The following RNF145 variants were observed in gnomAD, a reference collection of about 807,000 sequenced individuals.
RNF145 encodes ring finger protein 145.
A neutral mutation model predicts 57.3 loss-of-function variants in RNF145; 12 were observed. The ratio of observed to expected loss-of-function variants is 0.21; its 90% CI spans 0.13 to 0.34. RNF145 has a LOEUF of 0.34. Ranked by LOEUF, RNF145 falls within the 10% of genes least tolerant of loss-of-function variation. The probability of loss-of-function intolerance (pLI) is 1.00; values close to 1 mark genes in which losing one functional copy is unlikely to be tolerated. For synonymous variants in RNF145, 262 were observed against 288.3 expected (o/e 0.91, Z 0.92); for missense variants, 429 against 799.0 (o/e 0.54, Z 5.58).
chr5:159,195,105 T>C (rs950536655), intron 2 of RNF145, among the ~76,000 whole-genome samples: 1 of 152,216 alleles, frequency 6.6e-6, no homozygotes, highest in Non-Finnish European at 1.5e-5. Context: ...CTACCTTTCC[T>C]TGATATCAAC....
At chr5:159,170,718 C>T (rs947690277) in intron 6 of RNF145, among the ~76,000 whole-genome samples, 8 of 152,122 alleles carry the variant, frequency 5.3e-5, no homozygotes, top group Non-Finnish European at 1.5e-5. Flanking sequence ...CTTCAGCCTC[C>T]CAAGTAGCTA....
chr5:159,187,144 T>C (rs1483005206), intron 3 of RNF145, among the ~76,000 whole-genome samples: 1 of 145,426 alleles, frequency 6.9e-6, no homozygotes, highest in African/African-American at 2.6e-5. Flanking sequence ...TAGCCAGGCG[T>C]GGTGGTGGGC....
intron 1 of RNF145, chr5:159,208,278 G>T: frequency 1.8e-6 from 1 of 568,906 alleles, no homozygotes. Context: ...ACTCTTCCAG[G>T]AAAGAGGCTC....
At chr5:159,200,960 C>G (rs565973928) in intron 2 of RNF145, among the ~76,000 whole-genome samples, 2 of 152,272 alleles carry the variant, frequency 1.3e-5, no homozygotes, top group South Asian at 2.1e-4. Flanking sequence ...TTTGTGGTAA[C>G]AGGCTGTTTT....
intron 4 of RNF145, among the ~76,000 whole-genome samples, chr5:159,179,021 C>A (rs1252384057): frequency 2.6e-5 from 4 of 151,942 alleles, no homozygotes; most frequent in African/African-American, 7.2e-5. Context: ...ATATAGAAAA[C>A]AAGAGGCCAC....
chr5:159,207,843 CCAT>C (rs749041772), intron 1 of RNF145: 15 of 1,614,160 alleles, frequency 9.3e-6, no homozygotes, highest in Non-Finnish European at 1.2e-5. Context: ...AATACAAAGG[CCAT>C]CTTTCAACTT....
intron 10 of RNF145, 61 bp from the exon 11 acceptor site, chr5:159,159,096 T>C: frequency 1.4e-6 from 2 of 1,468,342 alleles, no homozygotes; most frequent in Non-Finnish European, 9.2e-7. Flanking sequence ...TTTGGTGCTA[T>C]CCCCAAAGTT....
intron 2 of RNF145, among the ~76,000 whole-genome samples, chr5:159,195,683 T>A (rs1000067933): frequency 6.6e-6 from 1 of 152,168 alleles, no homozygotes; most frequent in Non-Finnish European, 1.5e-5. Flanking sequence ...ACACTGGAAA[T>A]TTGGTTCCTA....
In RNF145 at chr5:159,194,709, T is replaced by C; in HGVS notation, c.293+7A>G. 1 of 1,554,512 alleles carries C rather than the reference T, an allele frequency of 6.4e-7. No individual in the cohort carries two copies. Among genetic ancestry groups the C allele is most frequent in the South Asian group, 1.1e-5 (1 of 87,760 alleles). ...CATACATTTCAAAAATGGGGTCATA[T>C]TCTTACCTGGAAATTTGATGTCCAG... On this transcript the variant is annotated splice_region_variant and intron_variant, in intron 3 of 10. Transcript: ENST00000424310.
chr5:159,187,949 G>A (rs561104091), intron 3 of RNF145, among the ~76,000 whole-genome samples: 6 of 152,262 alleles, frequency 3.9e-5, no homozygotes, highest in Middle Eastern at 3.4e-3. Flanking sequence ...ATTTGAAACC[G>A]TACTTACACA....
Position 159,203,502 on chromosome 5 carries a change from T to C in RNF145, c.116A>G (p.Gln39Arg), listed in dbSNP as rs1312237178. 1 of 1,614,176 alleles carries C rather than the reference T, an allele frequency of 6.2e-7. No individual in the cohort carries two copies. Among genetic ancestry groups the C allele is most frequent in the South Asian group, 1.1e-5 (1 of 91,088 alleles). ...WDVSSFFQQI[Q>R]RSSLSNNPLF... is the part of the protein sequence containing the mutation. ...AGGGTTATTACTAAGGCTACTTCTTTGGATCTGCTGGAAAAAGGAGCTGAC... is the reference window on the plus strand; with the variant it reads ...AGGGTTATTACTAAGGCTACTTCTTCGGATCTGCTGGAAAAAGGAGCTGAC... The change falls in exon 2 of 11, where the codon CAA becomes CGA. Residue 39 changes from glutamine (Q) to arginine (R), a missense_variant. Gln to Arg is a conservative substitution (Grantham distance 43). Coordinates refer to ENST00000424310, the MANE Select transcript of RNF145 (RefSeq NM_001199383.2).
intron 4 of RNF145, among the ~76,000 whole-genome samples, chr5:159,180,032 CTTCT>C (rs1388815192): frequency 2.0e-5 from 3 of 151,926 alleles, no homozygotes; most frequent in Non-Finnish European, 2.9e-5. Context: ...TTGTGGCTGG[CTTCT>C]TTCTCTTTTT....
At position 159,174,071 on chromosome 5, in the gene RNF145, C is replaced by T. The variant is rs759719448; in HGVS notation, c.709G>A (p.Val237Ile). Residue 237 changes from valine (V) to isoleucine (I), a missense_variant, in exon 6 of 11, where the codon GTC becomes ATC. By Grantham distance (29) the Val-to-Ile change is conservative (BLOSUM62 3). Around this residue, in one of 4 missense-constraint regions of RNF145, gnomAD observed 216 missense variants for 457.6 expected, o/e 0.47. Coordinates refer to ENST00000424310, the MANE Select transcript of RNF145 (RefSeq NM_001199383.2). ...VPVLFMVFWL[V>I]LFALQIYSYF... ...GAGTAAATCTGAAGAGCAAATAAGA[C>T]GAGCCAGAAAACCATGAAAAGAACA... 11 of 1,613,404 alleles carry T rather than the reference C, an allele frequency of 6.8e-6. No homozygotes were observed. Among genetic ancestry groups the T allele is most frequent in the African/African-American group, 1.3e-5 (1 of 74,846 alleles).
intron 3 of RNF145, among the ~76,000 whole-genome samples, chr5:159,187,138 C>T (rs946556646): frequency 1.4e-5 from 2 of 147,954 alleles, no homozygotes; most frequent in Non-Finnish European, 3.0e-5. Context: ...AAAAATTAGC[C>T]AGGCGTGGTG....
intron 2 of RNF145, among the ~76,000 whole-genome samples, chr5:159,195,872 T>G (rs1056832685): frequency 6.6e-6 from 1 of 152,226 alleles, no homozygotes; most frequent in Non-Finnish European, 1.5e-5. Flanking sequence ...ACACCTGAGA[T>G]ATATTCCACT....
intron 3 of RNF145, among the ~76,000 whole-genome samples, chr5:159,189,651 A>G (rs924442004): frequency 2.6e-5 from 4 of 152,262 alleles, no homozygotes; most frequent in Non-Finnish European, 5.9e-5. Context: ...ATGAATTGTC[A>G]TAACATTATT....
At chr5:159,162,861 TTTAATTCCTCCTCTGG>T (rs1394723619) in intron 9 of RNF145, 55 bp downstream of exon 9, 37 of 1,298,004 alleles carry the variant, frequency 2.9e-5, no homozygotes, top group Non-Finnish European at 3.5e-5. Context: ...CTTGAAAAAA[TTTAATTCCTCCTCTGG>T]GAGGAAAAAT....
chr5:159,182,788 A>G (rs968573704), intron 3 of RNF145, among the ~76,000 whole-genome samples: 2 of 152,150 alleles, frequency 1.3e-5, no homozygotes, highest in Admixed American at 1.3e-4. Flanking sequence ...AGTAAGTTAC[A>G]TGGGAGTACT....
Position 159,173,999 on chromosome 5 carries a change from AAAG to A in RNF145, c.778_780del (p.Leu260del). ...ATTAATTACCTTGTCAGAAAAAGGA[AAAG>A]AAGCCTCTCACGTGATGCAGGCTGA... On this transcript the variant is annotated inframe_deletion, in exon 6 of 11. Coordinates refer to ENST00000424310, the MANE Select transcript of RNF145 (RefSeq NM_001199383.2). 1 of 1,606,232 alleles carries A rather than the reference AAAG, an allele frequency of 6.2e-7. No individual in the cohort carries two copies.
Sources: allele counts gnomAD v4.1 joint callset (sites outside exome capture counted in the v4.1 genomes callset), GRCh38; gene constraint gnomAD v4.1.1; regional missense constraint gnomAD v4.1.1; transcripts MANE v1.5; gene names NCBI Gene and HGNC (gene_info 2026-07-23, HGNC 2026-07-21).